Variants in NPTN observed in about 807,000 individuals in gnomAD.
NPTN encodes SDR-1.
A neutral mutation model predicts 42.7 loss-of-function variants in NPTN; 5 were observed. That is an observed-to-expected ratio of 0.12 (90% CI 0.06 to 0.25). The LOEUF (loss-of-function observed/expected upper bound fraction) is 0.25. Ranked by LOEUF, NPTN falls within the 10% of genes least tolerant of loss-of-function variation. NPTN has a pLI of 1.00. For synonymous variants in NPTN, 180 were observed against 201.9 expected (o/e 0.89, Z 0.92); for missense variants, 307 against 525.4 (o/e 0.58, Z 4.06).
chr15:73,595,058 A>T (rs548079399), intron 2 of NPTN, among the ~76,000 whole-genome samples: 2 of 152,252 alleles, frequency 1.3e-5, no homozygotes, highest in South Asian at 4.1e-4. Flanking sequence ...GAGTCTAGCC[A>T]GGATTTGGAT....
chr15:73,580,588 TTATATATGTATATATGTATA>T (rs538340001), intron 4 of NPTN, among the ~76,000 whole-genome samples: 1 of 119,934 alleles, frequency 8.3e-6, no homozygotes, highest in African/African-American at 3.3e-5. Context: ...TATATACATG[TTATATATGTATATATGTATA>T]TACATGTTAT....
intron 1 of NPTN, among the ~76,000 whole-genome samples, chr15:73,606,662 C>G (rs1406022201): frequency 6.6e-6 from 1 of 151,844 alleles, no homozygotes; most frequent in African/African-American, 2.4e-5. Flanking sequence ...GCTTTGAGGC[C>G]AAAAACAATT....
rs950998871 is a variant in NPTN, at chr15:73,569,029, G to A, written c.1114+1121C>T. On this transcript the variant is annotated intron_variant, in intron 6 of 8. Coordinates refer to ENST00000345330, the MANE Select transcript of NPTN (RefSeq NM_012428.4). This position sits in a 1 kb window ranked among gnomAD's most constrained non-coding sequence, Gnocchi z 4.1. Reference sequence around the variant, plus strand: ...ACTGGACAGCCAGCTCTGTGGGGCAGGATACAGCACCACAGGTGCACAAAC... The same window carrying A: ...ACTGGACAGCCAGCTCTGTGGGGCAAGATACAGCACCACAGGTGCACAAAC... The A allele has an allele frequency of 8.1e-6, 8 of 985,530 alleles. No individual in the cohort carries two copies. The Admixed American group carries it at 4.3e-4, about 53-fold the overall frequency. 61.0% of individuals were successfully genotyped at this position (985,530 alleles called of 1,614,324 possible).
At chr15:73,617,801 A>T (rs1233981545) in intron 1 of NPTN, among the ~76,000 whole-genome samples, 1 of 152,232 alleles carries the variant, frequency 6.6e-6, no homozygotes, top group Non-Finnish European at 1.5e-5. Flanking sequence ...AGGAAAGCTC[A>T]TTCTTCTGAT....
chr15:73,565,688 A>T, intron 6 of NPTN: 1 of 454,438 alleles, frequency 2.2e-6, no homozygotes, highest in Non-Finnish European at 4.4e-6. Flanking sequence ...TATTACAGCC[A>T]CTGGCTAGAT....
chr15:73,617,593 A>G (rs886863077), intron 1 of NPTN, among the ~76,000 whole-genome samples: 3 of 152,192 alleles, frequency 2.0e-5, no homozygotes, highest in Admixed American at 6.5e-5. Context: ...TGGGCCTGTC[A>G]AGTTTTTCCA....
At chr15:73,605,655 G>C (rs1042570937) in intron 1 of NPTN, among the ~76,000 whole-genome samples, 12 of 148,086 alleles carry the variant, frequency 8.1e-5, no homozygotes, top group African/African-American at 3.1e-4. Context: ...GTGAACCCAG[G>C]AGGGGAGGTT....
rs1328583554 is a variant in NPTN, at chr15:73,633,356, C to T, written c.-141G>A. 7 of 559,362 alleles carry T rather than the reference C, an allele frequency of 1.3e-5. No individual in the cohort carries two copies. Among genetic ancestry groups the T allele is most frequent in the Admixed American group, 4.4e-5 (1 of 22,824 alleles). 34.6% of individuals were successfully genotyped at this position (559,362 alleles called of 1,614,324 possible). A position where few individuals can be genotyped will look rare whatever the true frequency, so the allele number is the denominator to read the frequency against. ...GCCGCGGCTCGGCTCCGTCCTTCCCCGTCCTCCTCCTGCCGCCGCAGCGCC... is the reference window on the plus strand; with the variant it reads ...GCCGCGGCTCGGCTCCGTCCTTCCCTGTCCTCCTCCTGCCGCCGCAGCGCC... On this transcript the variant is annotated 5_prime_UTR_variant, in exon 1 of 9. Transcript: ENST00000345330.
At position 73,569,962 on chromosome 15, in the gene NPTN, A is replaced by G. The variant is rs1399620292; in HGVS notation, c.1114+188T>C. Among the ~76,000 whole-genome samples the G allele has an allele frequency of 1.3e-5, 2 of 152,040 alleles. No individual in the cohort carries two copies. The highest frequency in any genetic ancestry group is 2.9e-5 in the Non-Finnish European group (2 of 68,008). Reference sequence around the variant, plus strand: ...AGATGGCTAATGCAAAAAAAATAAAAATAAAATAAAAATAAAAAATAAAAA... The same window carrying G: ...AGATGGCTAATGCAAAAAAAATAAAGATAAAATAAAAATAAAAAATAAAAA... On this transcript the variant is annotated intron_variant, in intron 6 of 8. Transcript: ENST00000345330. The surrounding 1 kb of genome is among the most constrained non-coding windows in gnomAD (Gnocchi z 4.1).
intron 1 of NPTN, among the ~76,000 whole-genome samples, chr15:73,606,936 C>T (rs546093653): frequency 7.2e-5 from 11 of 152,172 alleles, no homozygotes; most frequent in East Asian, 1.9e-4. Context: ...CTTTGATCAT[C>T]CTCAGTATCA....
chr15:73,625,849 T>G (rs1898377313), intron 1 of NPTN, among the ~76,000 whole-genome samples: 1 of 152,126 alleles, frequency 6.6e-6, no homozygotes, highest in Admixed American at 6.6e-5. Context: ...AATCTATTTT[T>G]GTACATGTTT....
At chr15:73,629,263 T>C (rs950391404) in intron 1 of NPTN, among the ~76,000 whole-genome samples, 1 of 152,196 alleles carries the variant, frequency 6.6e-6, no homozygotes, top group African/African-American at 2.4e-5. Context: ...GGGCTTTATG[T>C]CAAGGCAAAC....
chr15:73,613,463 T>C (rs1283931669), intron 1 of NPTN, among the ~76,000 whole-genome samples: 1 of 152,158 alleles, frequency 6.6e-6, no homozygotes, highest in Non-Finnish European at 1.5e-5. Flanking sequence ...CTCTCTTGAT[T>C]TTAAATGGTA....
chr15:73,622,604 C>G (rs1044168529), intron 1 of NPTN, among the ~76,000 whole-genome samples: 3 of 151,404 alleles, frequency 2.0e-5, no homozygotes, highest in African/African-American at 4.9e-5. Flanking sequence ...TATAAGGTAG[C>G]TGAACTGAAG....
intron 1 of NPTN, among the ~76,000 whole-genome samples, chr15:73,598,657 C>G (rs773745604): frequency 6.6e-6 from 1 of 152,152 alleles, no homozygotes; most frequent in Non-Finnish European, 1.5e-5. Flanking sequence ...TTCTGATTGG[C>G]TTGGAAACGT....
At position 73,582,411 on chromosome 15, in the gene NPTN, A is replaced by G. The variant is rs1016584249; in HGVS notation, c.706+5113T>C. On this transcript the variant is annotated intron_variant, in intron 4 of 8. Transcript: ENST00000345330. ...CCAAGAAGGAATATGAGATCAGTCA[A>G]GACAGAAGCAAGAAGGATGCAGGCT... Among the ~76,000 whole-genome samples, 3 of 152,202 alleles carry G rather than the reference A, an allele frequency of 2.0e-5. No homozygotes were observed. In the South Asian group the frequency reaches 6.2e-4, roughly 32 times the overall value.
At chr15:73,583,817 G>A (rs1045167772) in intron 4 of NPTN, among the ~76,000 whole-genome samples, 1 of 152,156 alleles carries the variant, frequency 6.6e-6, no homozygotes, top group Non-Finnish European at 1.5e-5. Flanking sequence ...AGAAAGGACG[G>A]TGGAGATGCT....
At chr15:73,575,495 G>A (rs1256335047) in intron 4 of NPTN, among the ~76,000 whole-genome samples, 1 of 152,216 alleles carries the variant, frequency 6.6e-6, no homozygotes, top group African/African-American at 2.4e-5. Flanking sequence ...AAAGAGAATC[G>A]ATATGCCTTG....
chr15:73,615,024 T>C (rs2141458244), intron 1 of NPTN, among the ~76,000 whole-genome samples: 1 of 152,310 alleles, frequency 6.6e-6, no homozygotes, highest in East Asian at 1.9e-4. Context: ...AGTTTTTACT[T>C]TACAGTTAGG....
Sources: allele counts gnomAD v4.1 joint callset (sites outside exome capture counted in the v4.1 genomes callset), GRCh38; gene constraint gnomAD v4.1.1; non-coding constraint Gnocchi (gnomAD v3.1); transcripts MANE v1.5; gene names NCBI Gene and HGNC (gene_info 2026-07-23, HGNC 2026-07-21).